The following RELN variants were observed in gnomAD, a reference collection of about 807,000 sequenced individuals.
RELN encodes the protein reelin.
In RELN, 108 loss-of-function variants were observed where a neutral mutation model predicts 427.6. The observed-to-expected ratio is 0.25, with a 90% confidence interval of 0.22 to 0.30. RELN has a LOEUF of 0.30. Ranked by LOEUF, RELN falls within the 10% of genes least tolerant of loss-of-function variation. The pLI is 1.00. For missense variants in RELN, 3,715 were observed against 4,302.8 expected, an observed-to-expected ratio of 0.86 and a Z score of 3.82; for synonymous variants, 1,524 against 1,513.4, an observed-to-expected ratio of 1.01 and a Z score of -0.16.
At chr7:103,825,586 G>A (rs1164409621) in intron 3 of RELN, among the ~76,000 whole-genome samples, 3 of 152,100 alleles carry the variant, frequency 2.0e-5, no homozygotes, top group Admixed American at 1.3e-4. Context: ...CCTTTGAATT[G>A]CATGGTTAAT....
At chr7:103,937,462 T>C (rs886082448) in intron 1 of RELN, among the ~76,000 whole-genome samples, 2 of 152,230 alleles carry the variant, frequency 1.3e-5, no homozygotes, top group Non-Finnish European at 2.9e-5. Flanking sequence ...TAAGGTCATA[T>C]GGATATTATT....
intron 6 of RELN, among the ~76,000 whole-genome samples, chr7:103,748,967 T>C (rs1790925475): frequency 6.6e-6 from 1 of 152,162 alleles, no homozygotes; most frequent in Admixed American, 6.5e-5. Context: ...TCATTATTTA[T>C]TTCCCCTCAA....
chr7:103,503,187 T>A lies in RELN; in HGVS notation c.8318A>T (p.Gln2773Leu), dbSNP rs1829092817. The change falls in exon 52 of 65, where the codon CAA becomes CTA. Residue 2773 changes from glutamine (Q) to leucine (L), a missense_variant. Gln to Leu is a moderately radical substitution (Grantham distance 113). Coordinates refer to ENST00000428762, the MANE Select transcript of RELN (RefSeq NM_005045.4). ...GTCAGTAGAATACTGCACATGAATT[T>A]GATTCTGGGCAATTTTTTCAGACAC... is the stretch of plus-strand genomic sequence containing the variant. ...CKVSEKIAQN[Q>L]IHVQYSTDFG... is the part of the protein sequence containing the mutation. The A allele has an allele frequency of 1.2e-6, 2 of 1,614,058 alleles. No homozygotes were observed. The highest frequency in any genetic ancestry group is 2.7e-5 in the African/African-American group (2 of 74,914).
intron 45 of RELN, among the ~76,000 whole-genome samples, chr7:103,535,842 AG>A (rs1437150482): frequency 6.6e-6 from 1 of 152,118 alleles, no homozygotes; most frequent in African/African-American, 2.4e-5. Context: ...ATAATTGGTA[AG>A]ATATATTTGT....
intron 8 of RELN, among the ~76,000 whole-genome samples, chr7:103,713,708 T>C (rs930298600): frequency 6.6e-6 from 1 of 152,028 alleles, no homozygotes; most frequent in Non-Finnish European, 1.5e-5. Flanking sequence ...GTCAGTATTA[T>C]TCACTAGGGA....
intron 49 of RELN, among the ~76,000 whole-genome samples, chr7:103,516,919 T>A (rs1020639704): frequency 1.3e-5 from 2 of 152,192 alleles, no homozygotes; most frequent in Non-Finnish European, 2.9e-5. Flanking sequence ...ACAGGTAGGA[T>A]GCTTTTAGCT....
chr7:103,603,534 G>C lies in RELN; in HGVS notation c.3147-44C>G. The C allele has an allele frequency of 1.4e-6, 2 of 1,465,786 alleles. No homozygotes were observed. The highest frequency in any genetic ancestry group is 1.9e-6 in the Non-Finnish European group (2 of 1,045,338). 90.8% of individuals were successfully genotyped at this position (1,465,786 alleles called of 1,614,324 possible). A position where few individuals can be genotyped will look rare whatever the true frequency, so the allele number is the denominator to read the frequency against. On this transcript the variant is annotated intron_variant, in intron 23 of 64. Coordinates refer to ENST00000428762, the MANE Select transcript of RELN (RefSeq NM_005045.4). This position sits in a 1 kb window ranked among gnomAD's most constrained non-coding sequence, Gnocchi z 4.3. ...GAGTAGGCAGGTTACAGGCCCACCTGCCAATGCAATGGCCCTCTGACCTCA... is the reference window on the plus strand; with the variant it reads ...GAGTAGGCAGGTTACAGGCCCACCTCCCAATGCAATGGCCCTCTGACCTCA...
chr7:103,731,413 T>A (rs1168604949), intron 6 of RELN, among the ~76,000 whole-genome samples: 1 of 152,120 alleles, frequency 6.6e-6, no homozygotes, highest in Non-Finnish European at 1.5e-5. Context: ...CTTCATGTGC[T>A]GTTTACCATG....
chr7:103,581,193 T>A (rs1303813352), intron 28 of RELN, among the ~76,000 whole-genome samples: 1 of 152,186 alleles, frequency 6.6e-6, no homozygotes, highest in African/African-American at 2.4e-5. Context: ...CATTGGAATG[T>A]TCTTGTCCTG....
chr7:103,575,659 C>T lies in RELN; in HGVS notation c.4192G>A (p.Val1398Met), dbSNP rs747794685. 9 of 1,614,086 alleles carry T rather than the reference C, an allele frequency of 5.6e-6. No individual in the cohort carries two copies. The highest frequency in any genetic ancestry group is 7.6e-6 in the Non-Finnish European group (9 of 1,179,992). The change falls in exon 29 of 65, where the codon GTG (valine) becomes ATG (methionine). Residue 1398 changes from valine to methionine, a missense_variant. Around this residue, in one of 4 missense-constraint regions of RELN, gnomAD observed 2,208 missense variants for 2,361.7 expected, o/e 0.93. Transcript: ENST00000428762. ...WIQESSSQKN[V>M]PPFGLDGVYI... ...ACTCCATCTAAACCAAATGGAGGCA[C>T]GTTTTTCTGTGAGCTGCTCTCCTGG... is the stretch of plus-strand genomic sequence containing the variant.
intron 13 of RELN, 37 bp from the exon 14 acceptor site, chr7:103,652,796 T>C (rs1832949962): frequency 6.3e-7 from 1 of 1,585,324 alleles, no homozygotes; most frequent in African/African-American, 1.3e-5. Flanking sequence ...CTCAAAATCC[T>C]TTCTAGGCTA....
At chr7:103,815,853 G>A (rs1243983958) in intron 3 of RELN, among the ~76,000 whole-genome samples, 1 of 152,118 alleles carries the variant, frequency 6.6e-6, no homozygotes. Context: ...CTGTGTAAAT[G>A]GATTTGAACC....
chr7:103,487,235 C>T lies in RELN; in HGVS notation c.9764-819G>A, dbSNP rs532408340. On this transcript the variant is annotated intron_variant, in intron 60 of 64. Transcript: ENST00000428762. ...GAACAGATGGACACAGGCAGGGGAACATCACACACTGGGGCCTGTTGGGGC... is the reference window on the plus strand; with the variant it reads ...GAACAGATGGACACAGGCAGGGGAATATCACACACTGGGGCCTGTTGGGGC... Among the ~76,000 whole-genome samples the T allele has an allele frequency of 9.2e-5, 14 of 151,986 alleles. No individual in the cohort carries two copies. The South Asian group carries it at 2.9e-3, about 32-fold the overall frequency.
Position 103,953,620 on chromosome 7 carries a change from T to C in RELN, c.226+35511A>G, listed in dbSNP as rs925996798. On this transcript the variant is annotated intron_variant, in intron 1 of 64. Transcript: ENST00000428762. The surrounding 1 kb of genome is among the most constrained non-coding windows in gnomAD (Gnocchi z 4.3). ...AGCAGTCGTAGTAAAATTGTTTCAG[T>C]AAAAATAAATGATCAAAACTTACCA... 3.3e-5 allele frequency among the ~76,000 whole-genome samples: 5 copies of C among 152,086 alleles called. No individual in the cohort carries two copies. The highest frequency in any genetic ancestry group is 7.4e-5 in the Non-Finnish European group (5 of 68,008).
At chr7:103,730,483 AT>A (rs945213666) in intron 6 of RELN, among the ~76,000 whole-genome samples, 7 of 151,622 alleles carry the variant, frequency 4.6e-5, no homozygotes, top group Non-Finnish European at 1.5e-5. Flanking sequence ...AATAGCAGGG[AT>A]TTAAAAAAAA....
chr7:103,717,572 C>A lies in RELN; in HGVS notation c.805+5568G>T, dbSNP rs186859230. ...AATACATTTATATCCAAGAATCTTA[C>A]CCTTAAATAAAACACGTATTTAACC... On this transcript the variant is annotated intron_variant, in intron 8 of 64. Coordinates refer to ENST00000428762, the MANE Select transcript of RELN (RefSeq NM_005045.4). Among the ~76,000 whole-genome samples, 311 of 151,818 alleles carry A rather than the reference C, an allele frequency of 2.0e-3. 1 individual carries two copies. The highest frequency in any genetic ancestry group is 7.2e-3 in the African/African-American group (298 of 41,478).
At chr7:103,875,524 A>G (rs1414708165) in intron 2 of RELN, among the ~76,000 whole-genome samples, 3 of 152,302 alleles carry the variant, frequency 2.0e-5, no homozygotes, top group African/African-American at 7.2e-5. Context: ...AACATTAAAT[A>G]TAGGTTGGCA....
At chr7:103,947,319 T>C (rs1796241127) in intron 1 of RELN, among the ~76,000 whole-genome samples, 1 of 152,160 alleles carries the variant, frequency 6.6e-6, no homozygotes, top group South Asian at 2.1e-4. Context: ...GTCCTAATCC[T>C]CAATACTCAG....
At chr7:103,500,280 C>T (rs894745936) in intron 53 of RELN, among the ~76,000 whole-genome samples, 45 of 152,270 alleles carry the variant, frequency 3.0e-4, no homozygotes, top group African/African-American at 9.1e-4. Context: ...CAGCAGTCAA[C>T]GAATCAGAAC....
Sources: gnomAD v4.1 joint callset for allele counts (sites outside exome capture counted in the v4.1 genomes callset) on GRCh38, gnomAD v4.1.1 for gene constraint, gnomAD v4.1.1 regional missense constraint, Gnocchi (gnomAD v3.1) non-coding constraint, MANE v1.5 for transcripts, NCBI Gene and HGNC (gene_info 2026-07-23, HGNC 2026-07-21) for gene names.